MAPKAPK5: variants seen among roughly 807,000 people sequenced by gnomAD.
The protein encoded by MAPKAPK5 is MAPK activated protein kinase 5.
Under a neutral mutation model 65.1 loss-of-function variants are expected in MAPKAPK5, and 30 were observed. The observed-to-expected ratio is 0.46, with a 90% CI of 0.34 to 0.63. MAPKAPK5 has a LOEUF of 0.63. Among genes scored for constraint, MAPKAPK5 ranks in the 20% least tolerant of loss-of-function variants. The pLI is 0.01. For missense variants in MAPKAPK5, 433 were observed against 581.4 expected (o/e 0.74, Z 2.63); for synonymous variants, 179 against 204.6 (o/e 0.87, Z 1.07).
rs191974568 is a variant in MAPKAPK5 at position 111,881,497 on chromosome 12, C to T, written c.660+970C>T. Reference sequence around the variant, plus strand: ...TCGGCTCACTGCAACCTCCGCCTCCCGGGTTCAAGCAATTCTCTTGCCTCA... The same window carrying T: ...TCGGCTCACTGCAACCTCCGCCTCCTGGGTTCAAGCAATTCTCTTGCCTCA... On this transcript the variant is annotated intron_variant, in intron 8 of 13. Coordinates refer to ENST00000550735, the MANE Select transcript of MAPKAPK5 (RefSeq NM_003668.4). Among the ~76,000 whole-genome samples the T allele has an allele frequency of 1.6e-3, 238 of 151,302 alleles. 1 individual carries two copies. Among genetic ancestry groups the T allele is most frequent in the African/African-American group, 5.4e-3 (222 of 41,120 alleles).
intron 1 of MAPKAPK5, among the ~76,000 whole-genome samples, chr12:111,846,033 T>A (rs1179219983): frequency 6.6e-6 from 1 of 152,150 alleles, no homozygotes; most frequent in Non-Finnish European, 1.5e-5. Flanking sequence ...CCAGCCCAAT[T>A]TTCTTAAAAT....
chr12:111,892,367 G>C (rs979908127), intron 13 of MAPKAPK5, among the ~76,000 whole-genome samples: 3 of 152,210 alleles, frequency 2.0e-5, no homozygotes, highest in African/African-American at 7.2e-5. Context: ...ACTGCTACCA[G>C]TTTTTCAAAG....
At chr12:111,863,430 C>T (rs1177990765) in intron 1 of MAPKAPK5, among the ~76,000 whole-genome samples, 2 of 152,140 alleles carry the variant, frequency 1.3e-5, no homozygotes, top group Non-Finnish European at 2.9e-5. Flanking sequence ...GGCACATTCA[C>T]TGGATAGAGG....
chr12:111,851,610 G>C (rs1593123894), intron 1 of MAPKAPK5, among the ~76,000 whole-genome samples: 1 of 152,190 alleles, frequency 6.6e-6, no homozygotes, highest in African/African-American at 2.4e-5. Flanking sequence ...ACAGGCTTCA[G>C]CTGCCGCACC....
At chr12:111,857,895 G>GTT (rs2069296223) in intron 1 of MAPKAPK5, among the ~76,000 whole-genome samples, 1 of 150,342 alleles carries the variant, frequency 6.7e-6, no homozygotes, top group South Asian at 2.1e-4. Context: ...TTTTTTGTGT[G>GTT]TGTGTGTTTG....
In MAPKAPK5 at chr12:111,893,109, TAATGTATA is replaced by T; in HGVS notation, c.*51_*58del. The T allele has an allele frequency of 7.7e-7, 1 of 1,295,864 alleles. No homozygotes were observed. Among genetic ancestry groups the T allele is most frequent in the Non-Finnish European group, 1.1e-6 (1 of 935,432 alleles). 80.3% of individuals were successfully genotyped at this position (1,295,864 alleles called of 1,614,324 possible). A position where few individuals can be genotyped will look rare whatever the true frequency, so the allele number is the denominator to read the frequency against. On this transcript the variant is annotated 3_prime_UTR_variant, in exon 14 of 14. Transcript: ENST00000550735. ...TTTAACAATTTGAAAAATTATTCTT[TAATGTATA>T]AAGTAATTTTATGTAAATTAATAAA...
Position 111,899,942 on chromosome 12 carries a change from G to A in MAPKAPK5, c.*6881G>A, listed in dbSNP as rs769416086. 2.2e-6 allele frequency: 1 copy of A among 456,082 alleles called. No homozygotes were observed. Among genetic ancestry groups the A allele is most frequent in the South Asian group, 1.5e-5 (1 of 64,560 alleles). The allele number at this position is 456,082 out of a possible 1,614,324, so 28.3% of individuals were successfully genotyped here. A position where few individuals can be genotyped will look rare whatever the true frequency, so the allele number is the denominator to read the frequency against. Reference sequence around the variant, plus strand: ...ATGATCTACAGGCACTGTCCTACTTGTGGTCACACAAAAAGTACGTGGAGA... The same window carrying A: ...ATGATCTACAGGCACTGTCCTACTTATGGTCACACAAAAAGTACGTGGAGA... On this transcript the variant is annotated 3_prime_UTR_variant, in exon 14 of 14. Transcript: ENST00000550735.
rs1049611390 is a variant in MAPKAPK5, at chr12:111,899,349, T to C, written c.*6288T>C. 6.5e-6 allele frequency: 1 copy of C among 153,284 alleles called. No individual in the cohort carries two copies. The highest frequency in any genetic ancestry group is 1.5e-5 in the Non-Finnish European group (1 of 68,836). The allele number at this position is 153,284 out of a possible 1,614,324, so 9.5% of individuals were successfully genotyped here. A position where few individuals can be genotyped will look rare whatever the true frequency, so the allele number is the denominator to read the frequency against. The stretch of plus-strand genomic sequence containing the variant: ...GGCCTTGGAAGAGGCTAAGATAAAG[T>C]TTCAAACTTGGGCTCCACAGAAGTG... On this transcript the variant is annotated 3_prime_UTR_variant, in exon 14 of 14. Transcript: ENST00000550735.
intron 1 of MAPKAPK5, among the ~76,000 whole-genome samples, chr12:111,860,564 C>G (rs1353913061): frequency 6.6e-6 from 1 of 152,182 alleles, no homozygotes; most frequent in Non-Finnish European, 1.5e-5. Flanking sequence ...CCCCCTAGAG[C>G]AGCAGAACTG....
intron 1 of MAPKAPK5, among the ~76,000 whole-genome samples, chr12:111,858,763 G>A (rs1235681307): frequency 1.4e-5 from 2 of 146,034 alleles, no homozygotes; most frequent in African/African-American, 2.5e-5. Context: ...GGCTGGTCTC[G>A]AGCTCCTGAC....
rs537026607 is a variant in MAPKAPK5, at chr12:111,900,806, G to A, written c.*7745G>A. The A allele has an allele frequency of 3.9e-5, 18 of 455,924 alleles. No individual in the cohort carries two copies. The highest frequency in any genetic ancestry group is 7.9e-5 in the Non-Finnish European group (18 of 226,792). 28.2% of individuals were successfully genotyped at this position (455,924 alleles called of 1,614,324 possible). On this transcript the variant is annotated 3_prime_UTR_variant, in exon 14 of 14. Coordinates refer to ENST00000550735, the MANE Select transcript of MAPKAPK5 (RefSeq NM_003668.4). ...CATCTGCATTATGCCCCAACAACAGGCATAAGCAAGATGGCTCAAAATGTC... is the reference window on the plus strand; with the variant it reads ...CATCTGCATTATGCCCCAACAACAGACATAAGCAAGATGGCTCAAAATGTC...
chr12:111,863,876 A>C (rs2136101175), intron 1 of MAPKAPK5, among the ~76,000 whole-genome samples: 1 of 152,226 alleles, frequency 6.6e-6, no homozygotes, highest in Admixed American at 6.5e-5. Context: ...AAGTGCTGGG[A>C]TTACAGGCAT....
At chr12:111,874,255 C>A (rs911952607) in intron 7 of MAPKAPK5, among the ~76,000 whole-genome samples, 1 of 151,590 alleles carries the variant, frequency 6.6e-6, no homozygotes, top group African/African-American at 2.4e-5. Flanking sequence ...ATTTGCTGGG[C>A]GTAGTAGCCG....
intron 1 of MAPKAPK5, among the ~76,000 whole-genome samples, chr12:111,845,583 T>C (rs904250572): frequency 6.6e-6 from 1 of 152,154 alleles, no homozygotes; most frequent in South Asian, 2.1e-4. Flanking sequence ...GGTTTGTTTG[T>C]TAGTTTTTGA....
chr12:111,901,453 A>G lies in MAPKAPK5; in HGVS notation c.*8392A>G, dbSNP rs545420990. ...ATGACTCATTCCAGACGTGAAGAAC[A>G]TGCTGTAGACATGATGATATTATCA... is the stretch of plus-strand genomic sequence containing the variant. On this transcript the variant is annotated 3_prime_UTR_variant, in exon 14 of 14. Coordinates refer to ENST00000550735, the MANE Select transcript of MAPKAPK5 (RefSeq NM_003668.4). The G allele has an allele frequency of 2.2e-6, 1 of 455,974 alleles. No individual in the cohort carries two copies. The highest frequency in any genetic ancestry group is 1.5e-5 in the South Asian group (1 of 64,556). 28.2% of individuals were successfully genotyped at this position (455,974 alleles called of 1,614,324 possible).
At chr12:111,880,856 A>G (rs1332818736) in intron 8 of MAPKAPK5, among the ~76,000 whole-genome samples, 2 of 152,112 alleles carry the variant, frequency 1.3e-5, no homozygotes, top group Non-Finnish European at 1.5e-5. Context: ...GACTGTCCAT[A>G]TGGTCCACTG....
At chr12:111,890,235 C>A in intron 13 of MAPKAPK5, 91 bp downstream of exon 13, 1 of 998,592 alleles carries the variant, frequency 1.0e-6, no homozygotes, top group Non-Finnish European at 1.5e-6. Flanking sequence ...TGAGCTGCGG[C>A]TGTTTTGAAG....
Position 111,896,182 on chromosome 12 carries a change from G to T in MAPKAPK5, c.*3121G>T. On this transcript the variant is annotated 3_prime_UTR_variant, in exon 14 of 14. Coordinates refer to ENST00000550735, the MANE Select transcript of MAPKAPK5 (RefSeq NM_003668.4). ...TTGGGTGTCTTCTAAAAAGGCTCAG[G>T]ATGATTATTTTTTCCTTCAGTGTAT... 6.6e-6 allele frequency: 1 copy of T among 152,268 alleles called. No homozygotes were observed. The highest frequency in any genetic ancestry group is 1.5e-5 in the Non-Finnish European group (1 of 68,020). The allele number at this position is 152,268 out of a possible 1,614,324, so 9.4% of individuals were successfully genotyped here.
intron 1 of MAPKAPK5, among the ~76,000 whole-genome samples, chr12:111,849,858 A>G (rs1260461755): frequency 1.3e-5 from 2 of 151,852 alleles, no homozygotes; most frequent in Admixed American, 1.3e-4. Context: ...CTGGGACCAC[A>G]GGTGTCTACC....
Sources: allele counts gnomAD v4.1 joint callset (sites outside exome capture counted in the v4.1 genomes callset), GRCh38; gene constraint gnomAD v4.1.1; transcripts MANE v1.5; gene names NCBI Gene and HGNC (gene_info 2026-07-23, HGNC 2026-07-21).